Variants in CLPTM1 observed in about 807,000 individuals in gnomAD.
CLPTM1 encodes the protein putative lipid scramblase CLPTM1.
Under a neutral mutation model 77.3 loss-of-function variants are expected in CLPTM1, and 21 were observed. The observed-to-expected ratio is 0.27, with a 90% CI of 0.19 to 0.39. The LOEUF (loss-of-function observed/expected upper bound fraction) is 0.39. Ranked by LOEUF, CLPTM1 falls within the 10% of genes least tolerant of loss-of-function variation. The probability of loss-of-function intolerance (pLI) is 1.00; values close to 1 mark genes in which losing one functional copy is unlikely to be tolerated. For missense variants in CLPTM1, 642 were observed against 921.2 expected (o/e 0.70, Z 3.92); for synonymous variants, 373 against 381.0 (o/e 0.98, Z 0.24).
At position 44,980,383 on chromosome 19, in the gene CLPTM1, C is replaced by T. The variant is rs1970875075; in HGVS notation, c.586+2923C>T. 2.0e-5 allele frequency among the ~76,000 whole-genome samples: 3 copies of T among 151,936 alleles called. No homozygotes were observed. In the South Asian group the frequency reaches 6.2e-4, roughly 32 times the overall value. On this transcript the variant is annotated intron_variant, in intron 5 of 13. Transcript: ENST00000337392. Reference sequence around the variant, plus strand: ...ACTTAGCTGGGCATGGTGGCACATGCCTGTAATCCCAGTTACTCGGGAAGC... The same window carrying T: ...ACTTAGCTGGGCATGGTGGCACATGTCTGTAATCCCAGTTACTCGGGAAGC...
chr19:44,963,860 T>C (rs1461851768), intron 2 of CLPTM1, among the ~76,000 whole-genome samples: 2 of 149,802 alleles, frequency 1.3e-5, no homozygotes, highest in Non-Finnish European at 3.0e-5. Context: ...TCAGGCAATC[T>C]GCCCGCCTTG....
intron 5 of CLPTM1, among the ~76,000 whole-genome samples, 186 bp downstream of exon 5, chr19:44,977,646 G>C (rs1465338041): frequency 6.6e-6 from 1 of 152,170 alleles, no homozygotes; most frequent in African/African-American, 2.4e-5. Context: ...TGGACACTAA[G>C]CAGGGATACC....
At chr19:44,985,174 C>A in intron 5 of CLPTM1, 44 bp from the exon 6 acceptor site, 2 of 1,458,650 alleles carry the variant, frequency 1.4e-6, no homozygotes, top group Non-Finnish European at 1.9e-6. Context: ...GCTGCAGGTG[C>A]CAGCAGGTCT....
intron 4 of CLPTM1, among the ~76,000 whole-genome samples, chr19:44,976,237 G>C (rs760655981): frequency 1.6e-4 from 25 of 152,136 alleles, no homozygotes; most frequent in Admixed American, 1.3e-4. Context: ...ATCCAAGGAA[G>C]GACCAGGGCC....
intron 1 of CLPTM1, among the ~76,000 whole-genome samples, chr19:44,961,342 A>G (rs1207281158): frequency 6.6e-6 from 1 of 152,104 alleles, no homozygotes; most frequent in African/African-American, 2.4e-5. Flanking sequence ...GGGCCTCAGG[A>G]ATGGTTTGCC....
intron 8 of CLPTM1, 192 bp from the exon 9 acceptor site, chr19:44,987,888 C>T (rs182847577): frequency 1.6e-6 from 1 of 613,788 alleles, no homozygotes; most frequent in African/African-American, 1.8e-5. Flanking sequence ...CTAGTGCCAT[C>T]TCCCCGTCTC....
At chr19:44,955,640 G>T in intron 1 of CLPTM1, 173 bp downstream of exon 1, 1 of 572,050 alleles carries the variant, frequency 1.7e-6, no homozygotes, top group Non-Finnish European at 2.6e-6. Flanking sequence ...GACGGTGCCG[G>T]GAACAGGGCC....
intron 1 of CLPTM1, among the ~76,000 whole-genome samples, chr19:44,958,790 T>C (rs888016830): frequency 6.6e-6 from 1 of 152,220 alleles, no homozygotes; most frequent in African/African-American, 2.4e-5. Context: ...CTGAGAAAGC[T>C]TCTGTCCCCT....
Position 44,991,575 on chromosome 19 carries a change from C to T in CLPTM1, c.1555+202C>T, listed in dbSNP as rs1971076546. On this transcript the variant is annotated intron_variant, in intron 12 of 13. Coordinates refer to ENST00000337392, the MANE Select transcript of CLPTM1 (RefSeq NM_001294.4). This position sits in a 1 kb window ranked among gnomAD's most constrained non-coding sequence, Gnocchi z 5.4. ...AGGACATGAACAGTACGCTTCAGTC[C>T]TCATTCTCAGGGGGCCTTTGTGTCT... is the stretch of plus-strand genomic sequence containing the variant. Among the ~76,000 whole-genome samples the T allele has an allele frequency of 6.6e-6, 1 of 152,114 alleles. No individual in the cohort carries two copies. The highest frequency in any genetic ancestry group is 2.4e-5 in the African/African-American group (1 of 41,416).
Position 44,990,172 on chromosome 19 carries a change from G to GTCCT in CLPTM1, c.1133-222_1133-219dup. On this transcript the variant is annotated intron_variant, in intron 9 of 13. Coordinates refer to ENST00000337392, the MANE Select transcript of CLPTM1 (RefSeq NM_001294.4). This position sits in a 1 kb window ranked among gnomAD's most constrained non-coding sequence, Gnocchi z 4.8. Reference sequence around the variant, plus strand: ...GCACCTTGGGGTGCTGGGTGCTGACGTCCTATGGGAGGGCTCCAGGGGTGC... The same window carrying GTCCT: ...GCACCTTGGGGTGCTGGGTGCTGACGTCCTTCCTATGGGAGGGCTCCAGGGGTGC... 1 of 562,710 alleles carries GTCCT rather than the reference G, an allele frequency of 1.8e-6. No homozygotes were observed. The highest frequency in any genetic ancestry group is 3.2e-6 in the Non-Finnish European group (1 of 316,206). The allele number at this position is 562,710 out of a possible 1,614,324, so 34.9% of individuals were successfully genotyped here.
intron 3 of CLPTM1, 146 bp from the exon 4 acceptor site, chr19:44,974,293 C>T: frequency 2.9e-6 from 2 of 679,660 alleles, no homozygotes; most frequent in Non-Finnish European, 4.7e-6. Flanking sequence ...AAAATATGTC[C>T]TCTCTGCTGC....
At position 44,987,166 on chromosome 19, in the gene CLPTM1, C is replaced by T. The variant is rs1970991819; in HGVS notation, c.794-13C>T. 1.2e-6 allele frequency: 2 copies of T among 1,603,100 alleles called. No homozygotes were observed. The highest frequency in any genetic ancestry group is 1.7e-6 in the Non-Finnish European group (2 of 1,172,440). On this transcript the variant is annotated splice_polypyrimidine_tract_variant and intron_variant, in intron 7 of 13. Coordinates refer to ENST00000337392, the MANE Select transcript of CLPTM1 (RefSeq NM_001294.4). ...GCCCGGGCCAAATGGTGCCCCTGCC[C>T]CACGTGCTGCAGATGTGAAGTTCGA...
chr19:44,958,421 C>A (rs995941494), intron 1 of CLPTM1, among the ~76,000 whole-genome samples: 2 of 151,276 alleles, frequency 1.3e-5, no homozygotes, highest in Non-Finnish European at 2.9e-5. Context: ...GACGGAGTCT[C>A]GCTTTCTCAC....
chr19:44,973,764 T>TTTTTTG (rs1555721355), intron 3 of CLPTM1, among the ~76,000 whole-genome samples: 3 of 65,582 alleles, frequency 4.6e-5, no homozygotes, highest in South Asian at 1.1e-3. Context: ...ACAGTGGGTT[T>TTTTTTG]TTTTTTTTTT....
In CLPTM1 at chr19:44,974,564, C is replaced by T; in HGVS notation, c.435C>T (p.Cys145=). The change falls in exon 4 of 14, where the codon TGC becomes TGT. Residue 145 remains cysteine, a synonymous_variant. Coordinates refer to ENST00000337392, the MANE Select transcript of CLPTM1 (RefSeq NM_001294.4). ...DWTSGENSDG[C]YEHFAELDIP... ...CTAGCGGCGAGAACTCAGACGGCTG[C>T]TACGAGCACTTTGCTGAGCTCGATA... is the stretch of plus-strand genomic sequence containing the variant. 2 of 1,614,182 alleles carry T rather than the reference C, an allele frequency of 1.2e-6. No individual in the cohort carries two copies. The highest frequency in any genetic ancestry group is 1.7e-6 in the Non-Finnish European group (2 of 1,180,008).
intron 2 of CLPTM1, among the ~76,000 whole-genome samples, chr19:44,966,137 C>T (rs1970624218): frequency 2.0e-5 from 3 of 152,168 alleles, no homozygotes; most frequent in East Asian, 1.9e-4. Flanking sequence ...GTGGGCCGGG[C>T]GCGGTGGCTC....
chr19:44,955,377 G>A, upstream of CLPTM1: 1 of 1,327,980 alleles, frequency 7.5e-7, no homozygotes, highest in Non-Finnish European at 9.6e-7. Context: ...CGGCGGGGGC[G>A]GGGACCCGGA....
At position 44,973,914 on chromosome 19, in the gene CLPTM1, C is replaced by T. The variant is rs143185369; in HGVS notation, c.310-525C>T. ...GACTAGCTGGGATTACAGGCATGTG[C>T]CACCACGTCCAGCTAATTTTTTGTA... On this transcript the variant is annotated intron_variant, in intron 3 of 13. Transcript: ENST00000337392. Among the ~76,000 whole-genome samples, 661 of 151,874 alleles carry T rather than the reference C, an allele frequency of 4.4e-3. 23 individuals are homozygous for T. Among genetic ancestry groups the T allele is most frequent in the Admixed American group, 0.036 (549 of 15,202 alleles).
At chr19:44,955,682 G>C in intron 1 of CLPTM1, 1 of 411,332 alleles carries the variant, frequency 2.4e-6, no homozygotes, top group East Asian at 3.7e-5. Flanking sequence ...GCACGCTCGA[G>C]CCGGGCGGCC....
Sources: gnomAD v4.1 joint callset for allele counts (sites outside exome capture counted in the v4.1 genomes callset) on GRCh38, gnomAD v4.1.1 for gene constraint, Gnocchi (gnomAD v3.1) non-coding constraint, MANE v1.5 for transcripts, NCBI Gene and HGNC (gene_info 2026-07-23, HGNC 2026-07-21) for gene names.